PLEKHG1: variants seen among roughly 807,000 people sequenced by gnomAD.
The protein encoded by PLEKHG1 is pleckstrin homology and RhoGEF domain containing G1.
PLEKHG1 carries 44 observed loss-of-function variants against 100.8 expected under a neutral mutation model. The ratio of observed to expected loss-of-function variants is 0.44; its 90% CI spans 0.34 to 0.56. The LOEUF (loss-of-function observed/expected upper bound fraction) is 0.56. Among genes scored for constraint, PLEKHG1 ranks in the 20% least tolerant of loss-of-function variants. The probability of loss-of-function intolerance (pLI) is 0.01; values close to 1 mark genes in which losing one functional copy is unlikely to be tolerated. For missense variants in PLEKHG1, 1,545 were observed against 1,720.9 expected (o/e 0.90, Z 1.81); for synonymous variants, 640 against 662.5 (o/e 0.97, Z 0.52).
At chr6:150,833,006 A>T (rs1777035156) in intron 15 of PLEKHG1, among the ~76,000 whole-genome samples, 3 of 150,224 alleles carry the variant, frequency 2.0e-5, no homozygotes, top group Admixed American at 6.6e-5. Flanking sequence ...TCGCACTATA[A>T]ATCAATGGTT....
chr6:150,777,450 G>T (rs1785046335), intron 3 of PLEKHG1, among the ~76,000 whole-genome samples: 1 of 147,322 alleles, frequency 6.8e-6, no homozygotes, highest in Non-Finnish European at 1.5e-5. Flanking sequence ...ATGTGCGGTT[G>T]CACATCAGCC....
At chr6:150,760,402 A>G (rs926228471) in intron 2 of PLEKHG1, among the ~76,000 whole-genome samples, 1 of 152,224 alleles carries the variant, frequency 6.6e-6, no homozygotes, top group African/African-American at 2.4e-5. Context: ...AAGGAAGACA[A>G]AGTTGTAGGA....
exon 2 of PLEKHG1, chr6:150,733,703 C>A: frequency 6.2e-7 from 1 of 1,614,114 alleles, no homozygotes. Flanking sequence ...TGATAGTGAC[C>A]GACCCGTCAG....
At chr6:150,610,887 G>C (rs1045639327) in intron 1 of PLEKHG1, among the ~76,000 whole-genome samples, 6 of 152,172 alleles carry the variant, frequency 3.9e-5, no homozygotes, top group Non-Finnish European at 7.4e-5. Context: ...TGTTTATTCT[G>C]GAACAGACAC....
intron 3 of PLEKHG1, among the ~76,000 whole-genome samples, chr6:150,779,108 A>G (rs1030321127): frequency 5.9e-5 from 9 of 152,152 alleles, no homozygotes; most frequent in Non-Finnish European, 1.3e-4. Context: ...TCCTTTAATA[A>G]GCCATGGTTT....
At chr6:150,733,741 T>C (rs1454767083) in exon 2 of PLEKHG1, 1 of 1,614,076 alleles carries the variant, frequency 6.2e-7, no homozygotes, top group African/African-American at 1.3e-5. Flanking sequence ...CCTCGGCCTC[T>C]TCCCGCGACA....
At position 150,772,002 on chromosome 6, in the gene PLEKHG1, T is replaced by C. The variant is rs541460206; in HGVS notation, c.512+3264T>C. 9.8e-5 allele frequency among the ~76,000 whole-genome samples: 15 copies of C among 152,348 alleles called. 1 individual carries two copies. The South Asian group carries it at 3.1e-3, about 32-fold the overall frequency. On this transcript the variant is annotated intron_variant, in intron 3 of 15. Coordinates refer to ENST00000358517, the Ensembl canonical transcript of PLEKHG1. ...AACATTTGTTTGAAGCATAAAGATATTATAAACAATATTGAATCCAGTTAT... is the reference window on the plus strand; with the variant it reads ...AACATTTGTTTGAAGCATAAAGATACTATAAACAATATTGAATCCAGTTAT...
chr6:150,826,971 T>TCTTCCTTCCTTTCCTTTCCCTTTCTTTC, intron 14 of PLEKHG1, among the ~76,000 whole-genome samples: 2 of 151,880 alleles, frequency 1.3e-5, no homozygotes, highest in Non-Finnish European at 2.9e-5. Flanking sequence ...TCTGTTTCTT[T>TCTTCCTTCCTTTCCTTTCCCTTTCTTTC]CTTCCTTCCT....
At chr6:150,673,209 A>G (rs1451275594) in intron 3 of PLEKHG1, among the ~76,000 whole-genome samples, 2 of 152,210 alleles carry the variant, frequency 1.3e-5, no homozygotes, top group Non-Finnish European at 2.9e-5. Context: ...AGGGCAAATC[A>G]TCATGCATAC....
At chr6:150,789,528 A>G (rs1562520375) in intron 4 of PLEKHG1, among the ~76,000 whole-genome samples, 1 of 152,246 alleles carries the variant, frequency 6.6e-6, no homozygotes, top group Non-Finnish European at 1.5e-5. Flanking sequence ...ATATCACAAA[A>G]TGCACAGAAA....
chr6:150,816,238 C>T lies in PLEKHG1; in HGVS notation c.1279-1945C>T, dbSNP rs139949959. 2.8e-3 allele frequency among the ~76,000 whole-genome samples: 409 copies of T among 146,822 alleles called. 4 individuals carry two copies. The highest frequency in any genetic ancestry group is 9.8e-3 in the African/African-American group (393 of 40,162). ...AAAGATAGGATGTTGGAAATGGAAG[C>T]AGGCTTTTGTGCTTTTGTGGCAATC... On this transcript the variant is annotated intron_variant, in intron 10 of 15. Transcript: ENST00000358517.
chr6:150,661,707 A>C (rs1779199794), intron 3 of PLEKHG1, among the ~76,000 whole-genome samples: 1 of 152,192 alleles, frequency 6.6e-6, no homozygotes, highest in African/African-American at 2.4e-5. Flanking sequence ...ATGTATCTTG[A>C]TATTAGAGTT....
At chr6:150,689,123 T>G (rs1307732245) in intron 3 of PLEKHG1, among the ~76,000 whole-genome samples, 1 of 152,230 alleles carries the variant, frequency 6.6e-6, no homozygotes, top group Non-Finnish European at 1.5e-5. Context: ...ACTAGACATT[T>G]TGTATGAGTG....
At chr6:150,761,326 G>A (rs531279642) in intron 2 of PLEKHG1, among the ~76,000 whole-genome samples, 8 of 151,774 alleles carry the variant, frequency 5.3e-5, no homozygotes, top group Admixed American at 3.3e-4. Context: ...GGATGGTCTC[G>A]ATTACTTGAC....
intron 3 of PLEKHG1, among the ~76,000 whole-genome samples, chr6:150,653,408 C>T (rs932916910): frequency 3.3e-5 from 5 of 151,886 alleles, no homozygotes; most frequent in East Asian, 3.9e-4. Flanking sequence ...TCACCCCCCA[C>T]GTGTATGTGA....
At chr6:150,708,873 T>G (rs1444412687) in intron 3 of PLEKHG1, among the ~76,000 whole-genome samples, 1 of 152,206 alleles carries the variant, frequency 6.6e-6, no homozygotes, top group Non-Finnish European at 1.5e-5. Flanking sequence ...TATAACCTGG[T>G]TTCCAGAATG....
intron 5 of PLEKHG1, 32 bp from the exon 7 acceptor site, chr6:150,800,686 CA>C: frequency 1.2e-6 from 2 of 1,602,534 alleles, no homozygotes; most frequent in African/African-American, 2.7e-5. Context: ...TAAAGCATTA[CA>C]ATTTAGATAA....
upstream of PLEKHG1, among the ~76,000 whole-genome samples, chr6:150,718,611 A>G (rs774191315): frequency 6.6e-6 from 1 of 151,804 alleles, no homozygotes; most frequent in Non-Finnish European, 1.5e-5. Context: ...CTGGGATTAT[A>G]GGCATGCACC....
At chr6:150,779,349 T>A (rs942174468) in intron 3 of PLEKHG1, among the ~76,000 whole-genome samples, 1 of 144,894 alleles carries the variant, frequency 6.9e-6, no homozygotes, top group Non-Finnish European at 1.5e-5. Flanking sequence ...AAGAAGTTTT[T>A]TTTTTTTTTT....
Sources: gnomAD v4.1 joint callset for allele counts (sites outside exome capture counted in the v4.1 genomes callset) on GRCh38, gnomAD v4.1.1 for gene constraint, MANE v1.5 for transcripts, NCBI Gene and HGNC (gene_info 2026-07-23, HGNC 2026-07-21) for gene names.